Variants in THUMPD2 observed in about 807,000 individuals in gnomAD.
THUMPD2 encodes THUMP domain 2 tRNA and snRNA guanosine methyltransferase, also known as U6 snRNA (guanine-N(2))-methyltransferase THUMPD2.
THUMPD2 carries 56 observed loss-of-function variants against 49.4 expected under a neutral mutation model. That is an observed-to-expected ratio of 1.13 (90% confidence interval 0.91 to 1.41). The LOEUF (loss-of-function observed/expected upper bound fraction) is 1.41, where lower values mean the gene tolerates loss of function less well. Among genes scored for constraint, THUMPD2 ranks in the 40% most tolerant of loss-of-function variants. THUMPD2 has a pLI of 0.00. For synonymous variants in THUMPD2, 237 were observed against 205.2 expected (o/e 1.15, Z -1.32); for missense variants, 709 against 594.5 (o/e 1.19, Z -2.00).
chr2:39,769,780 TTA>T lies in THUMPD2; in HGVS notation c.600_601del (p.His200GlnfsTer4). On this transcript the variant is annotated frameshift_variant, in exon 3 of 10. Transcript: ENST00000505747. LOFTEE classifies it high-confidence loss of function. ...TACTCTGAAAGTCAAGTCATTCTGA[TTA>T]TGAGTATCAATTGCTTTCTCTATGT... 1.9e-6 allele frequency: 3 copies of T among 1,602,184 alleles called. No individual in the cohort carries two copies. Among genetic ancestry groups the T allele is most frequent in the Non-Finnish European group, 2.5e-6 (3 of 1,177,050 alleles).
At chr2:39,768,896 C>G in intron 3 of THUMPD2, 2 of 1,299,814 alleles carry the variant, frequency 1.5e-6, no homozygotes, top group Non-Finnish European at 2.0e-6. Context: ...TATCATTAGA[C>G]TCACCCTTTA....
At chr2:39,754,225 C>A (rs1675804162) in intron 8 of THUMPD2, among the ~76,000 whole-genome samples, 1 of 152,156 alleles carries the variant, frequency 6.6e-6, no homozygotes, top group South Asian at 2.1e-4. Flanking sequence ...AATTAGGGAT[C>A]ATGAAAGCTT....
chr2:39,763,171 A>T lies in THUMPD2; in HGVS notation c.804-1753T>A, dbSNP rs1014141883. On this transcript the variant is annotated intron_variant, in intron 5 of 9. Transcript: ENST00000505747. ...TTGATCCTCTTCTCTGCATGTGTGC[A>T]TTTTTTTTTCTCTTGTACACCTTGT... 5.3e-5 allele frequency among the ~76,000 whole-genome samples: 8 copies of T among 151,326 alleles called. No individual in the cohort carries two copies. The East Asian group carries it at 9.7e-4, about 18-fold the overall frequency.
At chr2:39,759,488 G>A (rs986368506) in intron 6 of THUMPD2, among the ~76,000 whole-genome samples, 2 of 151,950 alleles carry the variant, frequency 1.3e-5, no homozygotes, top group African/African-American at 4.8e-5. Context: ...ATGAGAAACT[G>A]AGGCACAAAG....
At chr2:39,745,817 T>C (rs1223171732) in intron 8 of THUMPD2, among the ~76,000 whole-genome samples, 1 of 152,190 alleles carries the variant, frequency 6.6e-6, no homozygotes, top group Non-Finnish European at 1.5e-5. Flanking sequence ...TGGAAGAGAA[T>C]AATTTTTAAA....
chr2:39,767,277 T>C (rs1459568188), intron 4 of THUMPD2, among the ~76,000 whole-genome samples: 1 of 152,080 alleles, frequency 6.6e-6, no homozygotes, highest in African/African-American at 2.4e-5. Context: ...CTCAGGGAGA[T>C]GGGGACGAGA....
At chr2:39,762,268 G>A (rs1367423383) in intron 5 of THUMPD2, among the ~76,000 whole-genome samples, 7 of 152,086 alleles carry the variant, frequency 4.6e-5, no homozygotes, top group African/African-American at 1.7e-4. Context: ...GGTCTTCTAC[G>A]AACATTACGG....
intron 1 of THUMPD2, among the ~76,000 whole-genome samples, chr2:39,772,525 T>G (rs1678472568): frequency 6.6e-6 from 1 of 152,080 alleles, no homozygotes. Flanking sequence ...GCAAGACATA[T>G]GCATCAAACA....
intron 6 of THUMPD2, among the ~76,000 whole-genome samples, chr2:39,756,573 T>G (rs1328937870): frequency 1.3e-5 from 2 of 151,254 alleles, no homozygotes; most frequent in African/African-American, 4.9e-5. Context: ...GGAACACGGG[T>G]CTGGTCAAAT....
intron 3 of THUMPD2, 22 bp downstream of exon 3, chr2:39,769,688 C>A (rs558140244): frequency 2.2e-5 from 32 of 1,485,460 alleles, no homozygotes; most frequent in Non-Finnish European, 2.8e-5. Flanking sequence ...GCGACAGACT[C>A]CACTTTAGGA....
intron 8 of THUMPD2, among the ~76,000 whole-genome samples, chr2:39,752,137 A>C (rs557033571): frequency 6.6e-6 from 1 of 152,366 alleles, no homozygotes; most frequent in South Asian, 2.1e-4. Flanking sequence ...ATTATTACTA[A>C]CTTCCTAGGT....
At chr2:39,746,977 A>G (rs989180280) in intron 8 of THUMPD2, among the ~76,000 whole-genome samples, 3 of 152,198 alleles carry the variant, frequency 2.0e-5, no homozygotes, top group African/African-American at 7.2e-5. Flanking sequence ...CAGTTAAATT[A>G]ATTTCATCCT....
chr2:39,771,049 A>T (rs1678252026), intron 2 of THUMPD2, among the ~76,000 whole-genome samples: 1 of 152,074 alleles, frequency 6.6e-6, no homozygotes, highest in Non-Finnish European at 1.5e-5. Context: ...AGTGGGCATA[A>T]GTTTATCGAA....
chr2:39,764,658 T>G (rs930177017), intron 5 of THUMPD2, among the ~76,000 whole-genome samples: 1 of 152,214 alleles, frequency 6.6e-6, no homozygotes, highest in Admixed American at 6.5e-5. Flanking sequence ...GGTCACCAGG[T>G]TGCAGTTTCT....
intron 6 of THUMPD2, among the ~76,000 whole-genome samples, chr2:39,756,329 G>C (rs1473205649): frequency 6.6e-6 from 1 of 152,096 alleles, no homozygotes; most frequent in Non-Finnish European, 1.5e-5. Context: ...AGAACATGCA[G>C]AAGTTCTCTT....
chr2:39,744,272 T>C (rs1674289410), intron 9 of THUMPD2, 98 bp downstream of exon 9: 1 of 600,544 alleles, frequency 1.7e-6, no homozygotes, highest in East Asian at 3.4e-5. Context: ...TCTGGGAAAT[T>C]GCTAAAAAGC....
chr2:39,741,318 ATAC>A (rs969807094), intron 9 of THUMPD2, among the ~76,000 whole-genome samples: 15 of 152,196 alleles, frequency 9.9e-5, no homozygotes, highest in African/African-American at 3.6e-4. Context: ...GCAGTCTGGT[ATAC>A]TCATTGTTCC....
At chr2:39,764,083 T>G (rs1006560330) in intron 5 of THUMPD2, among the ~76,000 whole-genome samples, 1 of 152,226 alleles carries the variant, frequency 6.6e-6, no homozygotes, top group Non-Finnish European at 1.5e-5. Context: ...TCTTATTGCT[T>G]TCAAGTCTCC....
At chr2:39,757,321 G>A (rs766861429) in intron 6 of THUMPD2, 2 of 1,105,602 alleles carry the variant, frequency 1.8e-6, no homozygotes, top group Non-Finnish European at 1.2e-6. Context: ...TACAGAGGAA[G>A]CAGAGTCCTC....
Sources: allele counts gnomAD v4.1 joint callset (sites outside exome capture counted in the v4.1 genomes callset), GRCh38; gene constraint gnomAD v4.1.1; transcripts MANE v1.5; gene names NCBI Gene and HGNC (gene_info 2026-07-23, HGNC 2026-07-21).